The following HDAC1 variants were observed in gnomAD, a reference collection of about 807,000 sequenced individuals.
The protein encoded by HDAC1 is histone deacetylase 1.
A neutral mutation model predicts 65.5 loss-of-function variants in HDAC1; 18 were observed. The observed-to-expected ratio is 0.27, with a 90% CI of 0.19 to 0.41. The LOEUF is 0.41. HDAC1 is among the 10% of genes least tolerant of loss of function. The pLI, the probability that HDAC1 is intolerant of heterozygous loss-of-function variation, is 1.00. For synonymous variants in HDAC1, 211 were observed against 227.9 expected, an observed-to-expected ratio of 0.93 and a Z score of 0.67; for missense variants, 373 against 625.2, an observed-to-expected ratio of 0.60 and a Z score of 4.30.
At chr1:32,328,777 A>G (rs1302062940) in intron 6 of HDAC1, among the ~76,000 whole-genome samples, 1 of 152,204 alleles carries the variant, frequency 6.6e-6, no homozygotes, top group Admixed American at 6.5e-5. Context: ...GCTCTAACCC[A>G]ATCCCAAGGT....
At chr1:32,310,952 GA>G (rs749018283) in intron 2 of HDAC1, among the ~76,000 whole-genome samples, 5 of 148,704 alleles carry the variant, frequency 3.4e-5, no homozygotes, top group African/African-American at 1.2e-4. Context: ...AGAGAGAAAA[GA>G]AAAAAAAAGA....
intron 1 of HDAC1, among the ~76,000 whole-genome samples, chr1:32,296,485 C>G (rs1640768268): frequency 6.6e-6 from 1 of 152,196 alleles, no homozygotes; most frequent in Non-Finnish European, 1.5e-5. Flanking sequence ...CCACCTCAGC[C>G]TTCCAAGTAG....
rs946417714 is a variant in HDAC1 at position 32,332,173 on chromosome 1, T to G, written c.1303T>G (p.Ser435Ala). ...EEGEGGRKNS[S>A]NFKKAKRVKT... Reference sequence around the variant, plus strand: ...GGGAGAGGGGGGCCGCAAGAACTCTTCCAACTTCAAAAAAGCCAAGAGAGT... The same window carrying G: ...GGGAGAGGGGGGCCGCAAGAACTCTGCCAACTTCAAAAAAGCCAAGAGAGT... The change falls in exon 12 of 14, where the codon TCC becomes GCC. Residue 435 changes from serine (S) to alanine (A), a missense_variant. By Grantham distance (99) the Ser-to-Ala change is moderately conservative. Transcript: ENST00000373548. The G allele has an allele frequency of 3.7e-6, 6 of 1,613,278 alleles. No individual in the cohort carries two copies. In the African/African-American group the frequency reaches 8.0e-5, roughly 22 times the overall value.
chr1:32,329,587 T>C lies in HDAC1; in HGVS notation c.729+427T>C, dbSNP rs1641264118. 1 of 202,916 alleles carries C rather than the reference T, an allele frequency of 4.9e-6. No individual in the cohort carries two copies. Among genetic ancestry groups the C allele is most frequent in the Non-Finnish European group, 1.0e-5 (1 of 97,860 alleles). 12.6% of individuals were successfully genotyped at this position (202,916 alleles called of 1,614,324 possible). A position where few individuals can be genotyped will look rare whatever the true frequency, so the allele number is the denominator to read the frequency against. ...TCTGCACATTAGAAGAAGTAGGGAC[T>C]TACTCCAGTCTTTGCAGACTGGCTT... On this transcript the variant is annotated intron_variant, in intron 7 of 13. Coordinates refer to ENST00000373548, the MANE Select transcript of HDAC1 (RefSeq NM_004964.3). The surrounding 1 kb of genome is among the most constrained non-coding windows in gnomAD (Gnocchi z 4.1).
intron 1 of HDAC1, 82 bp from the exon 2 acceptor site, chr1:32,302,539 G>C: frequency 1.4e-6 from 1 of 721,930 alleles, no homozygotes; most frequent in Non-Finnish European, 2.6e-6. Flanking sequence ...ATTTGACTGG[G>C]AGTTCGCTGT....
At chr1:32,292,346 C>A in intron 1 of HDAC1, 128 bp downstream of exon 1, 2 of 1,504,820 alleles carry the variant, frequency 1.3e-6, no homozygotes, top group Non-Finnish European at 8.9e-7. Flanking sequence ...GGAGAGGAGG[C>A]TGCGAGGGGG....
chr1:32,321,521 G>C (rs915578253), intron 3 of HDAC1, among the ~76,000 whole-genome samples: 2 of 151,916 alleles, frequency 1.3e-5, no homozygotes, highest in African/African-American at 2.4e-5. Context: ...CTTCCCTTTA[G>C]TCTAAAGCTA....
rs778700252 is a variant in HDAC1 at position 32,332,252 on chromosome 1, G to T, written c.1372+10G>T. ...CCAGAGGAGAAGAAAGGTGGGTTTG[G>T]GTTCAGCTGGGACTTGGGTCTCGAG... On this transcript the variant is annotated intron_variant, in intron 12 of 13. Transcript: ENST00000373548. 2 of 1,606,056 alleles carry T rather than the reference G, an allele frequency of 1.2e-6. No homozygotes were observed. Among genetic ancestry groups the T allele is most frequent in the South Asian group, 1.1e-5 (1 of 89,998 alleles).
At chr1:32,309,398 C>T (rs1177999624) in intron 2 of HDAC1, among the ~76,000 whole-genome samples, 1 of 152,012 alleles carries the variant, frequency 6.6e-6, no homozygotes, top group Non-Finnish European at 1.5e-5. Context: ...TTTTAAGAGA[C>T]AGCCTTGGCT....
Position 32,327,616 on chromosome 1 carries a change from G to A in HDAC1, c.575G>A (p.Arg192Gln), listed in dbSNP as rs762016716. 12 of 1,613,418 alleles carry A rather than the reference G, an allele frequency of 7.4e-6. No individual in the cohort carries two copies. The highest frequency in any genetic ancestry group is 6.7e-5 in the Admixed American group (4 of 60,000). The stretch of plus-strand genomic sequence containing the variant: ...GAAGAGGCCTTCTACACCACGGACC[G>A]GGTCATGACTGTGTCCTTTCATAAG... ...GVEEAFYTTD[R>Q]VMTVSFHKYG... The change falls in exon 6 of 14, where the codon CGG becomes CAG. Residue 192 changes from arginine to glutamine, a missense_variant. By Grantham distance (43) the Arg-to-Gln change is conservative (BLOSUM62 1). This residue lies in a region of HDAC1 where 62 missense variants were observed against 180.0 expected (regional missense o/e 0.34). Transcript: ENST00000373548. This position sits in a 1 kb window ranked among gnomAD's most constrained non-coding sequence, Gnocchi z 6.0.
At chr1:32,321,469 C>A (rs978431186) in intron 3 of HDAC1, among the ~76,000 whole-genome samples, 1 of 149,492 alleles carries the variant, frequency 6.7e-6, no homozygotes, top group African/African-American at 2.5e-5. Flanking sequence ...CATTTGACTG[C>A]CTTCTCTGCC....
chr1:32,333,145 T>C lies in HDAC1; in HGVS notation c.*101T>C, dbSNP rs1241366607. ...ATTTCTCTGTGTATTTATATAAAAA[T>C]TTATTAAATATAAATATCCCCAGGG... On this transcript the variant is annotated 3_prime_UTR_variant, in exon 14 of 14. Transcript: ENST00000373548. 5.1e-6 allele frequency: 5 copies of C among 981,410 alleles called. No homozygotes were observed. Among genetic ancestry groups the C allele is most frequent in the Admixed American group, 2.6e-5 (1 of 38,140 alleles). 60.8% of individuals were successfully genotyped at this position (981,410 alleles called of 1,614,324 possible). A position where few individuals can be genotyped will look rare whatever the true frequency, so the allele number is the denominator to read the frequency against.
chr1:32,294,029 C>T (rs1320947032), intron 1 of HDAC1, among the ~76,000 whole-genome samples: 1 of 151,020 alleles, frequency 6.6e-6, no homozygotes, highest in Non-Finnish European at 1.5e-5. Flanking sequence ...GATCTCACCA[C>T]TGCACTCCGT....
chr1:32,308,042 G>A (rs545174366), intron 2 of HDAC1, among the ~76,000 whole-genome samples: 31 of 152,300 alleles, frequency 2.0e-4, no homozygotes, highest in Admixed American at 4.6e-4. Context: ...ACTTCGGGCC[G>A]GGCGCAGTGG....
chr1:32,309,881 G>T (rs1217747895), intron 2 of HDAC1, among the ~76,000 whole-genome samples: 1 of 152,064 alleles, frequency 6.6e-6, no homozygotes, highest in Non-Finnish European at 1.5e-5. Flanking sequence ...TAAAGGTTGA[G>T]TAGAGGGTGT....
chr1:32,326,976 C>A lies in HDAC1; in HGVS notation c.393C>A (p.Ile131=), dbSNP rs549067268. The A allele has an allele frequency of 6.2e-7, 1 of 1,614,094 alleles. No homozygotes were observed. Among genetic ancestry groups the A allele is most frequent in the Non-Finnish European group, 8.5e-7 (1 of 1,179,984 alleles). The change falls in exon 5 of 14, where the codon ATC becomes ATA. Residue 131 remains isoleucine (I), a synonymous_variant. Transcript: ENST00000373548. The part of the protein sequence containing the change: ...AVKLNKQQTD[I]AVNWAGGLHH... ...AACTTAATAAGCAGCAGACGGACAT[C>A]GCTGTGAATTGGGCTGGGGGCCTGC...
chr1:32,326,824 CACAAT>C (rs1396575219), intron 4 of HDAC1, 110 bp from the exon 5 acceptor site: 1 of 1,055,880 alleles, frequency 9.5e-7, no homozygotes, highest in Non-Finnish European at 1.4e-6. Flanking sequence ...CTATGAATTG[CACAAT>C]ACAGCTGTTG....
chr1:32,306,984 G>A (rs536791832), intron 2 of HDAC1, among the ~76,000 whole-genome samples: 1 of 152,302 alleles, frequency 6.6e-6, no homozygotes, highest in South Asian at 2.1e-4. Flanking sequence ...GGTGGCTCAT[G>A]TCTGTAATCC....
At chr1:32,310,972 C>T (rs2148062250) in intron 2 of HDAC1, among the ~76,000 whole-genome samples, 1 of 151,854 alleles carries the variant, frequency 6.6e-6, no homozygotes, top group African/African-American at 2.4e-5. Flanking sequence ...GAAAGAGAGA[C>T]AGAAAACTCT....
Sources: gnomAD v4.1 joint callset for allele counts (sites outside exome capture counted in the v4.1 genomes callset) on GRCh38, gnomAD v4.1.1 for gene constraint, gnomAD v4.1.1 regional missense constraint, Gnocchi (gnomAD v3.1) non-coding constraint, MANE v1.5 for transcripts, NCBI Gene and HGNC (gene_info 2026-07-23, HGNC 2026-07-21) for gene names.